The following ADARB2 variants were observed in gnomAD, a reference collection of about 807,000 sequenced individuals.
ADARB2 encodes inactive double-stranded RNA-specific editase B2.
ADARB2 carries 25 observed loss-of-function variants against 62.2 expected under a neutral mutation model. That is an observed-to-expected ratio of 0.40 (90% CI 0.29 to 0.56). The LOEUF is 0.56. Ranked by LOEUF, ADARB2 falls within the 20% of genes least tolerant of loss-of-function variation. The pLI, the probability that ADARB2 is intolerant of heterozygous loss-of-function variation, is 0.43. For missense variants in ADARB2, 1,071 were observed against 1,077.4 expected (o/e 0.99, Z 0.08); for synonymous variants, 572 against 500.8 (o/e 1.14, Z -1.90).
chr10:1,326,738 G>T (rs1000837749), intron 3 of ADARB2, among the ~76,000 whole-genome samples: 1 of 107,656 alleles, frequency 9.3e-6, no homozygotes, highest in African/African-American at 3.4e-5. Context: ...CCCATGGCAC[G>T]GCGCCTCCCG....
intron 3 of ADARB2, among the ~76,000 whole-genome samples, chr10:1,271,334 T>C (rs2131799095): frequency 6.6e-6 from 1 of 152,200 alleles, no homozygotes; most frequent in Admixed American, 6.5e-5. Context: ...TCTGCCAACC[T>C]CCCCATGGAA....
At chr10:1,319,393 C>T (rs1831775277) in intron 3 of ADARB2, among the ~76,000 whole-genome samples, 1 of 152,066 alleles carries the variant, frequency 6.6e-6, no homozygotes, top group Admixed American at 6.6e-5. Context: ...TCTTTCAAAG[C>T]ATAAAAGCAG....
intron 1 of ADARB2, among the ~76,000 whole-genome samples, chr10:1,621,776 A>G (rs940489881): frequency 1.3e-5 from 2 of 152,258 alleles, no homozygotes; most frequent in African/African-American, 4.8e-5. Flanking sequence ...TCAAGATGTC[A>G]AGATAACAAT....
chr10:1,417,706 G>A (rs1307389368), intron 1 of ADARB2, among the ~76,000 whole-genome samples: 1 of 152,204 alleles, frequency 6.6e-6, no homozygotes, highest in Non-Finnish European at 1.5e-5. Flanking sequence ...ATGGGCCGGC[G>A]TTGCACCTCC....
intron 1 of ADARB2, among the ~76,000 whole-genome samples, chr10:1,578,008 G>A (rs546636126): frequency 1.3e-5 from 2 of 152,320 alleles, no homozygotes; most frequent in South Asian, 2.1e-4. Context: ...TGGACACGCT[G>A]ATCTCAGACT....
At chr10:1,253,828 GA>G (rs1234457875) in intron 4 of ADARB2, among the ~76,000 whole-genome samples, 1 of 152,238 alleles carries the variant, frequency 6.6e-6, no homozygotes, top group Non-Finnish European at 1.5e-5. Flanking sequence ...TGAAGACTGG[GA>G]GCAGCCTGCA....
chr10:1,690,837 C>T (rs1335457674), intron 1 of ADARB2, among the ~76,000 whole-genome samples: 1 of 152,234 alleles, frequency 6.6e-6, no homozygotes, highest in Non-Finnish European at 1.5e-5. Context: ...CCCCGATCCT[C>T]CTCCCTACTC....
In ADARB2 at chr10:1,667,037, T is replaced by C. The variant is rs145071594; in HGVS notation, c.100+70014A>G. ...TTAAGTTATTGTTATGTAATTAACA[T>C]CTGTAACGGCAGTTGACTTAAGGAA... On this transcript the variant is annotated intron_variant, in intron 1 of 9. Coordinates refer to ENST00000381312, the MANE Select transcript of ADARB2 (RefSeq NM_018702.4). Among the ~76,000 whole-genome samples the C allele has an allele frequency of 3.3e-5, 5 of 152,364 alleles. No homozygotes were observed. In the East Asian group the frequency reaches 9.6e-4, roughly 29 times the overall value.
In ADARB2 at chr10:1,398,802, A is replaced by G. The variant is rs1832637538; in HGVS notation, c.101-19642T>C. ...CGTTTACCTGAGAGGCCAGGTTCAC[A>G]TTTGGGAAGAAGAGATTTTCTCCCT... On this transcript the variant is annotated intron_variant, in intron 1 of 9. Transcript: ENST00000381312. This position sits in a 1 kb window ranked among gnomAD's most constrained non-coding sequence, Gnocchi z 4.1. Among the ~76,000 whole-genome samples, 1 of 152,162 alleles carries G rather than the reference A, an allele frequency of 6.6e-6. No homozygotes were observed. Among genetic ancestry groups the G allele is most frequent in the African/African-American group, 2.4e-5 (1 of 41,436 alleles).
chr10:1,601,907 C>G (rs1450166413), intron 1 of ADARB2, among the ~76,000 whole-genome samples: 2 of 152,158 alleles, frequency 1.3e-5, no homozygotes, highest in African/African-American at 2.4e-5. Context: ...TGAGGGGGTC[C>G]CATTCCCTTT....
intron 1 of ADARB2, among the ~76,000 whole-genome samples, chr10:1,530,583 C>A (rs1360492094): frequency 6.6e-6 from 1 of 152,174 alleles, no homozygotes; most frequent in South Asian, 2.1e-4. Flanking sequence ...CTTTTCTGTT[C>A]ATCAGCCTCG....
chr10:1,219,148 G>C (rs889672613), intron 6 of ADARB2, among the ~76,000 whole-genome samples: 2 of 151,946 alleles, frequency 1.3e-5, no homozygotes, highest in African/African-American at 4.8e-5. Flanking sequence ...GCTTCCTGAG[G>C]CCTCCCCAGA....
intron 2 of ADARB2, among the ~76,000 whole-genome samples, 187 bp downstream of exon 2, chr10:1,378,887 G>A (rs987922966): frequency 1.2e-4 from 18 of 152,182 alleles, no homozygotes; most frequent in Admixed American, 1.1e-3. Flanking sequence ...AGAATTGCAG[G>A]TGTGGGTGGG....
At chr10:1,260,706 T>C (rs1348439589) in intron 4 of ADARB2, among the ~76,000 whole-genome samples, 7 of 148,270 alleles carry the variant, frequency 4.7e-5, no homozygotes, top group African/African-American at 1.5e-4. Context: ...AGAATCAATA[T>C]TGTGAAAATG....
intron 1 of ADARB2, among the ~76,000 whole-genome samples, chr10:1,596,309 C>G (rs1833333802): frequency 6.6e-6 from 1 of 152,198 alleles, no homozygotes; most frequent in Non-Finnish European, 1.5e-5. Context: ...GGGGAAAAAC[C>G]AACAAGTTTA....
At chr10:1,724,360 G>C (rs540300648) in intron 1 of ADARB2, among the ~76,000 whole-genome samples, 2 of 152,306 alleles carry the variant, frequency 1.3e-5, no homozygotes, top group African/African-American at 4.8e-5. Flanking sequence ...GGTGTCGAAG[G>C]ACACTCTCAC....
intron 1 of ADARB2, among the ~76,000 whole-genome samples, chr10:1,423,477 T>C (rs868250913): frequency 2.0e-5 from 3 of 151,152 alleles, no homozygotes; most frequent in South Asian, 2.1e-4. Flanking sequence ...TTCATGGTGC[T>C]AGGGGGACTC....
intron 1 of ADARB2, among the ~76,000 whole-genome samples, chr10:1,506,276 C>T (rs1831846387): frequency 6.6e-6 from 1 of 152,154 alleles, no homozygotes; most frequent in South Asian, 2.1e-4. Context: ...ACTTCTCCTC[C>T]TGCAACCCTT....
chr10:1,405,830 C>T (rs1476682767), intron 1 of ADARB2, among the ~76,000 whole-genome samples: 2 of 151,950 alleles, frequency 1.3e-5, no homozygotes, highest in African/African-American at 4.8e-5. Context: ...CCAAGATACA[C>T]CTGTTTATTA....
Sources: gnomAD v4.1 joint callset for allele counts (sites outside exome capture counted in the v4.1 genomes callset) on GRCh38, gnomAD v4.1.1 for gene constraint, Gnocchi (gnomAD v3.1) non-coding constraint, MANE v1.5 for transcripts, NCBI Gene and HGNC (gene_info 2026-07-23, HGNC 2026-07-21) for gene names.